The following FSTL5 variants were observed in gnomAD, a reference collection of about 807,000 sequenced individuals.
FSTL5 encodes follistatin-related protein 5.
A neutral mutation model predicts 89.1 loss-of-function variants in FSTL5; 62 were observed. That is an observed-to-expected ratio of 0.70 (90% CI 0.57 to 0.86). The LOEUF (loss-of-function observed/expected upper bound fraction) is 0.86, where lower values mean the gene tolerates loss of function less well. FSTL5 is among the 40% of genes least tolerant of loss of function. FSTL5 has a pLI of 0.00. For missense variants in FSTL5, 1,057 were observed against 1,001.6 expected (o/e 1.06, Z -0.75); for synonymous variants, 383 against 346.2 (o/e 1.11, Z -1.18).
chr4:161,826,498 C>G (rs967424323), intron 4 of FSTL5, among the ~76,000 whole-genome samples: 1 of 152,140 alleles, frequency 6.6e-6, no homozygotes, highest in South Asian at 2.1e-4. Context: ...AAGTCCCCCA[C>G]TAATATTGTG....
chr4:161,710,016 T>A (rs1738724780), intron 6 of FSTL5, among the ~76,000 whole-genome samples: 2 of 152,082 alleles, frequency 1.3e-5, no homozygotes, highest in Admixed American at 1.3e-4. Flanking sequence ...TCACCCAGGG[T>A]GGAGTGTAGC....
chr4:161,459,425 A>G (rs1733482940), intron 13 of FSTL5, 106 bp from the exon 14 acceptor site: 2 of 631,614 alleles, frequency 3.2e-6, no homozygotes, highest in Non-Finnish European at 5.5e-6. Context: ...TAAAAATTTA[A>G]TTTGCCAAAT....
At chr4:161,849,237 G>A (rs1053216707) in intron 4 of FSTL5, among the ~76,000 whole-genome samples, 1 of 152,054 alleles carries the variant, frequency 6.6e-6, no homozygotes, top group Non-Finnish European at 1.5e-5. Flanking sequence ...TCAGAAAGAA[G>A]CACCAATAAC....
At chr4:161,923,378 A>G (rs1384799) in intron 3 of FSTL5, among the ~76,000 whole-genome samples, 96,028 of 151,522 alleles carry the variant, frequency 0.63, 30,519 homozygotes, top group Middle Eastern at 0.72. Flanking sequence ...AAAATACTTT[A>G]ATGTAAAGTA....
At chr4:162,028,609 C>T (rs1385008699) in intron 3 of FSTL5, among the ~76,000 whole-genome samples, 8 of 152,010 alleles carry the variant, frequency 5.3e-5, no homozygotes, top group Admixed American at 3.9e-4. Context: ...GAATGTATTG[C>T]AGTTCACTAA....
chr4:161,857,927 T>A (rs552400290), intron 4 of FSTL5, among the ~76,000 whole-genome samples: 145 of 152,322 alleles, frequency 9.5e-4, no homozygotes, highest in African/African-American at 3.2e-3. Flanking sequence ...AGCCTAACTT[T>A]CGGCAAACTA....
chr4:161,994,219 G>C (rs1736222505), intron 3 of FSTL5, among the ~76,000 whole-genome samples: 1 of 152,088 alleles, frequency 6.6e-6, no homozygotes, highest in South Asian at 2.1e-4. Flanking sequence ...CAAAAGACAT[G>C]GTCTCATTTT....
At chr4:161,778,748 G>A (rs1313978886) in intron 4 of FSTL5, among the ~76,000 whole-genome samples, 2 of 152,144 alleles carry the variant, frequency 1.3e-5, no homozygotes, top group African/African-American at 2.4e-5. Flanking sequence ...ATTGACAAAT[G>A]AGAGAAGTAA....
At chr4:161,527,460 C>G (rs1376184040) in intron 10 of FSTL5, among the ~76,000 whole-genome samples, 2 of 151,972 alleles carry the variant, frequency 1.3e-5, no homozygotes, top group African/African-American at 2.4e-5. Flanking sequence ...AAAAAACAAA[C>G]AACCCCTTCA....
At chr4:162,141,865 A>C (rs974165302) in intron 1 of FSTL5, among the ~76,000 whole-genome samples, 2 of 151,262 alleles carry the variant, frequency 1.3e-5, no homozygotes, top group Non-Finnish European at 3.0e-5. Context: ...GGAAGTGTAC[A>C]CAGGTAGAAA....
intron 15 of FSTL5, among the ~76,000 whole-genome samples, chr4:161,438,856 A>G (rs558901324): frequency 2.2e-4 from 34 of 152,204 alleles, no homozygotes; most frequent in Non-Finnish European, 2.4e-4. Context: ...AATATGTTTT[A>G]TAGTTATTAT....
At chr4:161,720,204 C>CAAAA (rs34684242) in intron 6 of FSTL5, among the ~76,000 whole-genome samples, 3 of 142,050 alleles carry the variant, frequency 2.1e-5, no homozygotes, top group African/African-American at 7.7e-5. Context: ...AACACAATAG[C>CAAAA]AAAAAAAAAA....
At chr4:162,009,344 C>G (rs961998048) in intron 3 of FSTL5, among the ~76,000 whole-genome samples, 2 of 152,048 alleles carry the variant, frequency 1.3e-5, no homozygotes, top group African/African-American at 2.4e-5. Context: ...TTATTAATAG[C>G]AAGCTAGGAT....
At chr4:162,053,905 C>T (rs1252366873) in intron 2 of FSTL5, among the ~76,000 whole-genome samples, 1 of 151,520 alleles carries the variant, frequency 6.6e-6, no homozygotes, top group Non-Finnish European at 1.5e-5. Flanking sequence ...CTGTTCTATG[C>T]AAATTTTTTC....
intron 4 of FSTL5, among the ~76,000 whole-genome samples, chr4:161,842,390 T>C (rs1404969634): frequency 1.3e-5 from 2 of 152,158 alleles, no homozygotes; most frequent in African/African-American, 4.8e-5. Flanking sequence ...TTACAAATCA[T>C]CCAGTAACAA....
intron 7 of FSTL5, among the ~76,000 whole-genome samples, chr4:161,591,503 T>C (rs1198069888): frequency 2.6e-5 from 4 of 151,020 alleles, no homozygotes; most frequent in African/African-American, 9.7e-5. Context: ...AAATAAAATC[T>C]ATATGGAATA....
intron 12 of FSTL5, among the ~76,000 whole-genome samples, chr4:161,487,314 C>T (rs1417881150): frequency 6.6e-6 from 1 of 152,120 alleles, no homozygotes; most frequent in Admixed American, 6.6e-5. Flanking sequence ...TATGCAATGT[C>T]ATGCAGAATC....
In FSTL5 at chr4:161,439,330, A is replaced by G. The variant is rs181741417; in HGVS notation, c.1841+15674T>C. 2.4e-3 allele frequency among the ~76,000 whole-genome samples: 368 copies of G among 152,332 alleles called. 1 individual carries two copies. Among genetic ancestry groups the G allele is most frequent in the Non-Finnish European group, 4.4e-3 (297 of 68,030 alleles). On this transcript the variant is annotated intron_variant, in intron 15 of 15. Coordinates refer to ENST00000306100, the MANE Select transcript of FSTL5 (RefSeq NM_020116.5). Reference sequence around the variant, plus strand: ...GAGTGTGTATGTTTGGTGTTTGTGGATGAGTGAGTTGGAGGCACGTAGTGC... The same window carrying G: ...GAGTGTGTATGTTTGGTGTTTGTGGGTGAGTGAGTTGGAGGCACGTAGTGC...
At chr4:161,979,067 C>T (rs1735742427) in intron 3 of FSTL5, among the ~76,000 whole-genome samples, 1 of 152,116 alleles carries the variant, frequency 6.6e-6, no homozygotes, top group Non-Finnish European at 1.5e-5. Context: ...TTAGATCAAG[C>T]TAATGCATTA....
Sources: gnomAD v4.1 joint callset for allele counts (sites outside exome capture counted in the v4.1 genomes callset) on GRCh38, gnomAD v4.1.1 for gene constraint, MANE v1.5 for transcripts, NCBI Gene and HGNC (gene_info 2026-07-23, HGNC 2026-07-21) for gene names.